Variants in NRG3 observed in about 807,000 individuals in gnomAD.
NRG3 encodes pro-neuregulin-3, membrane-bound isoform.
Under a neutral mutation model 66.9 loss-of-function variants are expected in NRG3, and 31 were observed. The observed-to-expected ratio is 0.46, with a 90% CI of 0.35 to 0.63. The LOEUF (loss-of-function observed/expected upper bound fraction) is 0.63. Ranked by LOEUF, NRG3 falls within the 20% of genes least tolerant of loss-of-function variation. The pLI, the probability that NRG3 is intolerant of heterozygous loss-of-function variation, is 0.00. For synonymous variants in NRG3, 393 were observed against 359.4 expected (o/e 1.09, Z -1.06); for missense variants, 910 against 878.9 (o/e 1.04, Z -0.45).
intron 1 of NRG3, among the ~76,000 whole-genome samples, chr10:82,030,588 C>T (rs905897556): frequency 4.6e-5 from 7 of 151,786 alleles, no homozygotes; most frequent in Non-Finnish European, 1.0e-4. Flanking sequence ...ACTCACTCTA[C>T]GGAGTGAGAG....
chr10:82,918,650 A>C (rs148292054), intron 4 of NRG3, among the ~76,000 whole-genome samples: 1 of 152,156 alleles, frequency 6.6e-6, no homozygotes, highest in African/African-American at 2.4e-5. Flanking sequence ...TAACCGTTAA[A>C]GATGCCCAGT....
chr10:82,979,097 C>A lies in NRG3; in HGVS notation c.1560C>A (p.Asp520Glu). 7 of 1,613,982 alleles carry A rather than the reference C, an allele frequency of 4.3e-6. No individual in the cohort carries two copies. Among genetic ancestry groups the A allele is most frequent in the Non-Finnish European group, 5.9e-6 (7 of 1,179,956 alleles). Residue 520 changes from aspartate (D) to glutamate (E), a missense_variant, in exon 8 of 9, where the codon GAC becomes GAA. By Grantham distance (45) the Asp-to-Glu change is conservative. Transcript: ENST00000372141. ...YQQLEESRIP[D>E]QDTIPCQGYS... ...AACTCGAAGAATCAAGGATCCCAGA[C>A]CAGGATACGATACCTTGCCAAGGGT...
intron 1 of NRG3, among the ~76,000 whole-genome samples, chr10:82,021,333 G>A (rs949383279): frequency 2.6e-5 from 4 of 151,984 alleles, no homozygotes; most frequent in Admixed American, 2.0e-4. Context: ...TACACTGCTG[G>A]ACTTTGAATT....
chr10:81,919,214 A>G (rs1846012351), intron 1 of NRG3, among the ~76,000 whole-genome samples: 1 of 152,236 alleles, frequency 6.6e-6, no homozygotes, highest in African/African-American at 2.4e-5. Context: ...AAGGGATGGC[A>G]TGGGCCCCAG....
intron 2 of NRG3, among the ~76,000 whole-genome samples, chr10:82,702,068 C>T (rs1237204523): frequency 6.6e-6 from 1 of 152,148 alleles, no homozygotes; most frequent in African/African-American, 2.4e-5. Context: ...GTCTGTGAAG[C>T]AGCAGGAGGA....
At chr10:82,680,688 A>G (rs956089689) in intron 2 of NRG3, among the ~76,000 whole-genome samples, 7 of 152,178 alleles carry the variant, frequency 4.6e-5, no homozygotes, top group Non-Finnish European at 8.8e-5. Flanking sequence ...TTTGCTCTGC[A>G]TACTCAATGC....
intron 1 of NRG3, among the ~76,000 whole-genome samples, chr10:82,146,816 C>T (rs2070300410): frequency 1.3e-5 from 2 of 152,132 alleles, no homozygotes; most frequent in African/African-American, 4.8e-5. Flanking sequence ...TTGTCTCCAT[C>T]ACAGAGCCCT....
intron 1 of NRG3, among the ~76,000 whole-genome samples, chr10:82,024,525 A>G (rs1438821387): frequency 6.6e-6 from 1 of 152,052 alleles, no homozygotes; most frequent in Non-Finnish European, 1.5e-5. Flanking sequence ...TTTCTGTTAA[A>G]CAGTGCTGCC....
chr10:82,363,686 T>C (rs2084335208), intron 2 of NRG3, among the ~76,000 whole-genome samples: 1 of 151,886 alleles, frequency 6.6e-6, no homozygotes, highest in African/African-American at 2.4e-5. Flanking sequence ...CTCAATCTCC[T>C]GACCTCGTGA....
chr10:82,607,687 T>A (rs1016454839), intron 2 of NRG3, among the ~76,000 whole-genome samples: 1 of 152,104 alleles, frequency 6.6e-6, no homozygotes, highest in Non-Finnish European at 1.5e-5. Flanking sequence ...TGGTTTTAAC[T>A]GAGCTCATAA....
chr10:82,132,494 T>TATATATG (rs1554831211), intron 1 of NRG3, among the ~76,000 whole-genome samples: 739 of 44,228 alleles, frequency 0.017, 74 homozygotes, highest in Middle Eastern at 0.026. Flanking sequence ...ATATATATGA[T>TATATATG]ATATATATAT....
At chr10:82,835,946 G>C (rs2062752846) in intron 3 of NRG3, among the ~76,000 whole-genome samples, 1 of 152,112 alleles carries the variant, frequency 6.6e-6, no homozygotes, top group Admixed American at 6.6e-5. Context: ...CCAAGAGAAA[G>C]GACTGTTTAG....
At chr10:82,629,639 G>A (rs2049676200) in intron 2 of NRG3, among the ~76,000 whole-genome samples, 1 of 152,210 alleles carries the variant, frequency 6.6e-6, no homozygotes, top group Non-Finnish European at 1.5e-5. Flanking sequence ...GTATATGCTT[G>A]AGTTAAAAAT....
intron 2 of NRG3, among the ~76,000 whole-genome samples, chr10:82,637,117 A>G (rs1032893882): frequency 2.6e-5 from 4 of 152,186 alleles, no homozygotes; most frequent in Non-Finnish European, 4.4e-5. Context: ...GTTTCATGAT[A>G]GTAACTGTTA....
At chr10:82,325,885 A>G (rs1242156590) in intron 1 of NRG3, among the ~76,000 whole-genome samples, 4 of 152,148 alleles carry the variant, frequency 2.6e-5, no homozygotes, top group Admixed American at 6.6e-5. Context: ...AAACCTCACA[A>G]TACTTTGTTA....
chr10:82,040,589 G>T (rs370638698), intron 1 of NRG3, among the ~76,000 whole-genome samples: 2 of 151,954 alleles, frequency 1.3e-5, no homozygotes, highest in Non-Finnish European at 2.9e-5. Context: ...ACATTTGGCG[G>T]ATAGAAACTG....
intron 2 of NRG3, among the ~76,000 whole-genome samples, chr10:82,603,474 A>G (rs2047760055): frequency 6.6e-6 from 1 of 152,290 alleles, no homozygotes; most frequent in Admixed American, 6.5e-5. Context: ...ACTAGGAAAC[A>G]ATTGAGCGGA....
intron 1 of NRG3, among the ~76,000 whole-genome samples, chr10:82,306,597 G>A (rs1472017007): frequency 6.7e-6 from 1 of 149,996 alleles, no homozygotes; most frequent in Admixed American, 6.8e-5. Context: ...CCAGCTAATC[G>A]GGAGGCTGAG....
chr10:82,244,608 G>A (rs1352747953), intron 1 of NRG3, among the ~76,000 whole-genome samples: 6 of 152,084 alleles, frequency 3.9e-5, no homozygotes, highest in Non-Finnish European at 7.3e-5. Flanking sequence ...GTATAATGAT[G>A]TAAAGCAGCG....
Sources: gnomAD v4.1 joint callset for allele counts (sites outside exome capture counted in the v4.1 genomes callset) on GRCh38, gnomAD v4.1.1 for gene constraint, MANE v1.5 for transcripts, NCBI Gene and HGNC (gene_info 2026-07-23, HGNC 2026-07-21) for gene names.